The following CHD2 variants were observed in gnomAD, a reference collection of about 807,000 sequenced individuals.
The protein encoded by CHD2 is chromodomain helicase DNA binding protein 2.
A neutral mutation model predicts 243.9 loss-of-function variants in CHD2; 28 were observed. The ratio of observed to expected loss-of-function variants is 0.11; its 90% confidence interval spans 0.09 to 0.16. The LOEUF (loss-of-function observed/expected upper bound fraction) is 0.16, where lower values mean the gene tolerates loss of function less well. CHD2 is among the 10% of genes least tolerant of loss of function. CHD2 has a pLI of 1.00. For missense variants in CHD2, 1,386 were observed against 2,209.8 expected (o/e 0.63, Z 7.47); for synonymous variants, 775 against 779.0 (o/e 0.99, Z 0.09).
At chr15:93,017,701 CT>C (rs1281663609) in intron 37 of CHD2, among the ~76,000 whole-genome samples, 1 of 152,008 alleles carries the variant, frequency 6.6e-6, no homozygotes, top group African/African-American at 2.4e-5. Context: ...GGATGTAATT[CT>C]GCTACAAGCT....
chr15:92,922,713 C>G (rs2052981228), intron 2 of CHD2, among the ~76,000 whole-genome samples: 1 of 152,150 alleles, frequency 6.6e-6, no homozygotes, highest in Non-Finnish European at 1.5e-5. Context: ...CCCCTCAGAG[C>G]AAAGATGGGT....
intron 3 of CHD2, 126 bp downstream of exon 3, chr15:92,924,678 A>G: frequency 1.4e-6 from 1 of 716,190 alleles, no homozygotes; most frequent in Admixed American, 2.3e-5. Flanking sequence ...TTCTAGTAAT[A>G]TACAGTAGTA....
intron 3 of CHD2, among the ~76,000 whole-genome samples, chr15:92,926,662 C>T (rs1168151953): frequency 6.6e-6 from 1 of 152,188 alleles, no homozygotes; most frequent in African/African-American, 2.4e-5. Flanking sequence ...GGGCTAATTA[C>T]TGCTACAGAA....
chr15:92,987,140 C>T (rs2054053642), intron 26 of CHD2, among the ~76,000 whole-genome samples: 1 of 152,054 alleles, frequency 6.6e-6, no homozygotes, highest in African/African-American at 2.4e-5. Context: ...TGTTTTTGGA[C>T]TCTTATTAAT....
chr15:93,012,976 C>T (rs1229967285), intron 36 of CHD2, among the ~76,000 whole-genome samples: 1 of 152,194 alleles, frequency 6.6e-6, no homozygotes, highest in Non-Finnish European at 1.5e-5. Flanking sequence ...TGCTGACTTG[C>T]CACATGGGCT....
intron 35 of CHD2, among the ~76,000 whole-genome samples, chr15:93,009,598 T>C (rs1277111069): frequency 1.3e-5 from 2 of 152,206 alleles, no homozygotes; most frequent in Non-Finnish European, 2.9e-5. Flanking sequence ...CAGAAATAAA[T>C]TTTCTTTAAG....
At chr15:92,904,836 G>T (rs2052589609) in intron 2 of CHD2, 2 of 1,514,004 alleles carry the variant, frequency 1.3e-6, no homozygotes, top group South Asian at 1.2e-5. Flanking sequence ...TGACCAAAAC[G>T]TTTGAGTGTC....
chr15:93,024,926 C>T lies in CHD2; in HGVS notation c.*221C>T. On this transcript the variant is annotated 3_prime_UTR_variant, in exon 39 of 39. Transcript: ENST00000394196. ...TGCACTTTGGCACCCCATCCCATTCCAGCCTAGTTCTGGCCTCCCACTTTG... is the reference window on the plus strand; with the variant it reads ...TGCACTTTGGCACCCCATCCCATTCTAGCCTAGTTCTGGCCTCCCACTTTG... 2.0e-6 allele frequency: 1 copy of T among 499,764 alleles called. No individual in the cohort carries two copies. The highest frequency in any genetic ancestry group is 3.5e-6 in the Non-Finnish European group (1 of 285,256). The allele number at this position is 499,764 out of a possible 1,614,324, so 31.0% of individuals were successfully genotyped here.
Position 93,020,000 on chromosome 15 carries a change from C to G in CHD2, c.4907-12C>G, listed in dbSNP as rs374914368. The G allele has an allele frequency of 3.7e-6, 6 of 1,604,726 alleles. No individual in the cohort carries two copies. The highest frequency in any genetic ancestry group is 1.1e-5 in the South Asian group (1 of 90,672). ...TCTTGCAGTCATCAGATCATTCTTTCTTTTCCTGCAGATCGAGGAGACTGG... is the reference window on the plus strand; with the variant it reads ...TCTTGCAGTCATCAGATCATTCTTTGTTTTCCTGCAGATCGAGGAGACTGG... On this transcript the variant is annotated splice_polypyrimidine_tract_variant and intron_variant, in intron 37 of 38. Transcript: ENST00000394196.
intron 28 of CHD2, 32 bp from the exon 29 acceptor site, chr15:92,996,925 C>G: frequency 6.3e-7 from 1 of 1,585,950 alleles, no homozygotes; most frequent in East Asian, 2.2e-5. Flanking sequence ...TGCAGATTTT[C>G]ATTTAACTAA....
chr15:92,933,873 T>C lies in CHD2; in HGVS notation c.444-3645T>C, dbSNP rs565832488. On this transcript the variant is annotated intron_variant, in intron 5 of 38. Coordinates refer to ENST00000394196, the MANE Select transcript of CHD2 (RefSeq NM_001271.4). ...CTCCCACCATGGCCTCCCAAAGTGT[T>C]GGGATTACAGGCATGAGCCACTGTG... Among the ~76,000 whole-genome samples the C allele has an allele frequency of 1.2e-4, 19 of 152,342 alleles. No individual in the cohort carries two copies. In the East Asian group the frequency reaches 2.7e-3, roughly 22 times the overall value.
intron 21 of CHD2, 114 bp downstream of exon 21, chr15:92,978,497 T>A: frequency 9.5e-7 from 1 of 1,053,370 alleles, no homozygotes; most frequent in Non-Finnish European, 1.4e-6. Context: ...TTATTTCCCC[T>A]GAAGCATTGA....
chr15:92,993,040 T>G (rs1318027476), intron 28 of CHD2, 42 bp downstream of exon 28: 1 of 1,608,004 alleles, frequency 6.2e-7, no homozygotes, highest in African/African-American at 1.3e-5. Context: ...AACCTGGCAC[T>G]CTTGGACTGG....
At chr15:92,960,380 G>A (rs919858858) in intron 16 of CHD2, among the ~76,000 whole-genome samples, 6 of 152,124 alleles carry the variant, frequency 3.9e-5, no homozygotes, top group Admixed American at 1.3e-4. Context: ...AAATAGAAAT[G>A]GTGGGAGCAG....
Position 92,974,902 on chromosome 15 carries a change from A to T in CHD2, c.2529A>T (p.Gly843=). ...PFQRLDGSIK[G]EIRKQALDHF... ...AGCGTCTGGATGGTTCCATCAAGGG[A>T]GAAATCCGAAAACAGGCACTGGACC... The change falls in exon 20 of 39, where the codon GGA becomes GGT. Residue 843 remains glycine, a synonymous_variant. Transcript: ENST00000394196. 6.2e-7 allele frequency: 1 copy of T among 1,613,784 alleles called. No individual in the cohort carries two copies. The highest frequency in any genetic ancestry group is 8.5e-7 in the Non-Finnish European group (1 of 1,179,712).
At chr15:92,944,537 T>G (rs754377143) in intron 10 of CHD2, 22 bp downstream of exon 10, 8 of 1,262,858 alleles carry the variant, frequency 6.3e-6, no homozygotes, top group Non-Finnish European at 8.9e-6. Flanking sequence ...GTAACTCACT[T>G]CAGCCATATT....
At chr15:92,944,200 T>C (rs2053426728) in intron 9 of CHD2, 1 of 361,476 alleles carries the variant, frequency 2.8e-6, no homozygotes, top group Non-Finnish European at 5.2e-6. Context: ...TATATCCTTC[T>C]ATGAGTGTAA....
chr15:93,006,285 C>A, intron 34 of CHD2, among the ~76,000 whole-genome samples: 1 of 152,066 alleles, frequency 6.6e-6, no homozygotes, highest in Non-Finnish European at 1.5e-5. Context: ...CACCACCACA[C>A]CCGGCTAACT....
intron 19 of CHD2, among the ~76,000 whole-genome samples, chr15:92,974,506 T>C (rs1407691962): frequency 6.6e-6 from 1 of 152,212 alleles, no homozygotes; most frequent in Non-Finnish European, 1.5e-5. Context: ...CAGGAGCTTA[T>C]TATTGGGTGA....
Sources: allele counts gnomAD v4.1 joint callset (sites outside exome capture counted in the v4.1 genomes callset), GRCh38; gene constraint gnomAD v4.1.1; transcripts MANE v1.5; gene names NCBI Gene and HGNC (gene_info 2026-07-23, HGNC 2026-07-21).